LOC128092252: variants seen among roughly 807,000 people sequenced by gnomAD.
chr15:50,674,705 T>C, the LOC128092252 span, among the ~76,000 whole-genome samples: 2 of 152,216 alleles, frequency 1.3e-5, no homozygotes, highest in African/African-American at 4.8e-5. Flanking sequence ...TCTGTTAGCA[T>C]TTCTTGTAAC....
At chr15:50,660,998 A>G in the LOC128092252 span, among the ~76,000 whole-genome samples, 1 of 150,850 alleles carries the variant, frequency 6.6e-6, no homozygotes, top group African/African-American at 2.4e-5. Context: ...TTTTTGAGAC[A>G]GAGTTTCACT....
At chr15:50,655,437 G>GAAAAAAAAA in the LOC128092252 span, among the ~76,000 whole-genome samples, 17 of 89,306 alleles carry the variant, frequency 1.9e-4, no homozygotes, top group Non-Finnish European at 2.8e-4. Context: ...CATCTCAAAG[G>GAAAAAAAAA]AAAAAAAAAA....
the LOC128092252 span, among the ~76,000 whole-genome samples, chr15:50,655,428 A>G: frequency 7.0e-6 from 1 of 143,280 alleles, no homozygotes; most frequent in Admixed American, 7.6e-5. Context: ...CCAAGACTCC[A>G]TCTCAAAGGA....
the LOC128092252 span, among the ~76,000 whole-genome samples, chr15:50,675,866 T>C: frequency 1.3e-5 from 2 of 152,198 alleles, no homozygotes; most frequent in South Asian, 2.1e-4. Flanking sequence ...AGTGGTTAAA[T>C]AGTACAGATT....
the LOC128092252 span, among the ~76,000 whole-genome samples, chr15:50,658,257 G>T: frequency 3.3e-5 from 5 of 151,814 alleles, no homozygotes; most frequent in Admixed American, 6.6e-5. Flanking sequence ...CACCTGCCTC[G>T]GCCTCCCAAA....
At chr15:50,682,895 C>CA in the LOC128092252 span, among the ~76,000 whole-genome samples, 1 of 148,334 alleles carries the variant, frequency 6.7e-6, no homozygotes, top group South Asian at 2.2e-4. Context: ...TTCCCGGTAC[C>CA]AAACTTTTTT....
At chr15:50,665,991 T>C in the LOC128092252 span, among the ~76,000 whole-genome samples, 7 of 151,588 alleles carry the variant, frequency 4.6e-5, no homozygotes, top group East Asian at 1.4e-3. Context: ...AGACTCTCTC[T>C]CAAAAAATAA....
chr15:50,666,802 CA>C, the LOC128092252 span, among the ~76,000 whole-genome samples: 1 of 149,304 alleles, frequency 6.7e-6, no homozygotes, highest in South Asian at 2.1e-4. Flanking sequence ...AAACTGTCTC[CA>C]AAAAAAAAGA....
At chr15:50,668,296 G>C in the LOC128092252 span, among the ~76,000 whole-genome samples, 1 of 152,050 alleles carries the variant, frequency 6.6e-6, no homozygotes, top group South Asian at 2.1e-4. Context: ...CTGAATTAAT[G>C]TAAGACTCAT....
chr15:50,684,107 T>C, the LOC128092252 span, among the ~76,000 whole-genome samples: 2 of 151,556 alleles, frequency 1.3e-5, no homozygotes, highest in Non-Finnish European at 1.5e-5. Flanking sequence ...GATCAGCCTG[T>C]CGCCGCCTCC....
chr15:50,678,726 T>C, the LOC128092252 span, among the ~76,000 whole-genome samples: 1 of 151,834 alleles, frequency 6.6e-6, no homozygotes, highest in Non-Finnish European at 1.5e-5. Context: ...GGTAGAAAAG[T>C]TCTATATATT....
the LOC128092252 span, among the ~76,000 whole-genome samples, chr15:50,661,218 G>A: frequency 1.3e-5 from 2 of 151,932 alleles, no homozygotes; most frequent in African/African-American, 2.4e-5. Context: ...CTCGTGATCC[G>A]CCCACCTCAG....
chr15:50,649,264 C>A, the LOC128092252 span, among the ~76,000 whole-genome samples: 2 of 151,926 alleles, frequency 1.3e-5, 1 homozygote, highest in South Asian at 4.1e-4. Flanking sequence ...CAGCAAGACC[C>A]TGACTTGACA....
At chr15:50,663,381 C>G in the LOC128092252 span, among the ~76,000 whole-genome samples, 4 of 152,348 alleles carry the variant, frequency 2.6e-5, no homozygotes, top group Non-Finnish European at 5.9e-5. Context: ...CTGCCTCGGC[C>G]TCCCAAAGTG....
At chr15:50,682,173 C>CAGAAAAAAA in the LOC128092252 span, among the ~76,000 whole-genome samples, 1 of 63,684 alleles carries the variant, frequency 1.6e-5, no homozygotes, top group East Asian at 5.8e-4. Flanking sequence ...AACTCAGTCT[C>CAGAAAAAAA]AAAAAAAAAA....
the LOC128092252 span, among the ~76,000 whole-genome samples, chr15:50,665,999 T>C: frequency 6.6e-6 from 1 of 150,470 alleles, no homozygotes; most frequent in Non-Finnish European, 1.5e-5. Context: ...TCTCAAAAAA[T>C]AATAATTTAA....
At chr15:50,686,474 C>CT in the LOC128092252 span, 1 of 1,614,148 alleles carries the variant, frequency 6.2e-7, no homozygotes, top group Admixed American at 1.7e-5. Flanking sequence ...CAAGTCTCTC[C>CT]TTTACCGCCC....
the LOC128092252 span, among the ~76,000 whole-genome samples, chr15:50,670,162 T>C: frequency 6.6e-6 from 1 of 152,064 alleles, no homozygotes; most frequent in Non-Finnish European, 1.5e-5. Context: ...CATCACCCCA[T>C]TCAGCAAGAA....
the LOC128092252 span, among the ~76,000 whole-genome samples, chr15:50,679,208 G>A: frequency 1.5e-5 from 2 of 134,660 alleles, no homozygotes; most frequent in African/African-American, 6.1e-5. Flanking sequence ...GGTGGTATGG[G>A]CCTGTCATTT....
Sources: gnomAD v4.1 joint callset for allele counts (sites outside exome capture counted in the v4.1 genomes callset) on GRCh38, gnomAD v4.1.1 for gene constraint, MANE v1.5 for transcripts.